Variants in NXPE2 observed in about 807,000 individuals in gnomAD.
The protein encoded by NXPE2 is NXPE family member 2.
Under a neutral mutation model 34.4 loss-of-function variants are expected in NXPE2, and 34 were observed. The observed-to-expected ratio is 0.99, with a 90% CI of 0.75 to 1.31. The LOEUF (loss-of-function observed/expected upper bound fraction) is 1.31, where lower values mean the gene tolerates loss of function less well. Ranked by LOEUF, NXPE2 falls within the 40% of genes most tolerant of loss-of-function variation. NXPE2 has a pLI of 0.00. For synonymous variants in NXPE2, 235 were observed against 231.3 expected, an observed-to-expected ratio of 1.02 and a Z score of -0.15; for missense variants, 649 against 672.5, an observed-to-expected ratio of 0.97 and a Z score of 0.39.
the NXPE2 span, among the ~76,000 whole-genome samples, chr11:114,591,299 A>G: frequency 3.9e-5 from 6 of 152,194 alleles, no homozygotes; most frequent in African/African-American, 7.2e-5. Context: ...TTAATTCTCC[A>G]TGCTCATGCT....
At chr11:114,592,024 C>A in the NXPE2 span, among the ~76,000 whole-genome samples, 1 of 152,018 alleles carries the variant, frequency 6.6e-6, no homozygotes, top group Non-Finnish European at 1.5e-5. Context: ...AAGAAATGTA[C>A]CTCAAAACAA....
the NXPE2 span, among the ~76,000 whole-genome samples, chr11:114,713,863 G>C: frequency 6.6e-6 from 1 of 152,148 alleles, no homozygotes; most frequent in African/African-American, 2.4e-5. Context: ...ACCATGGATC[G>C]CAAAATAATT....
At chr11:114,800,834 A>C in the NXPE2 span, among the ~76,000 whole-genome samples, 2 of 130,992 alleles carry the variant, frequency 1.5e-5, no homozygotes, top group Non-Finnish European at 3.4e-5. Flanking sequence ...TGACTAATGC[A>C]AAAATCTTGT....
At chr11:114,684,262 C>A (rs1565381287) in intron 2 of NXPE2, among the ~76,000 whole-genome samples, 2 of 151,882 alleles carry the variant, frequency 1.3e-5, no homozygotes, top group African/African-American at 2.4e-5. Context: ...CCCATCACTA[C>A]TAAAAATACA....
At chr11:114,809,859 C>T in the NXPE2 span, among the ~76,000 whole-genome samples, 2 of 121,080 alleles carry the variant, frequency 1.7e-5, no homozygotes, top group South Asian at 6.8e-4. Context: ...TCATATGGAA[C>T]CAAAAAAGAG....
At chr11:114,583,118 C>G in the NXPE2 span, 2 of 1,296,446 alleles carry the variant, frequency 1.5e-6, no homozygotes, top group South Asian at 1.5e-5. Context: ...TTAACATGTT[C>G]CTAGTCATTT....
chr11:114,715,552 G>A, the NXPE2 span, among the ~76,000 whole-genome samples: 3 of 152,216 alleles, frequency 2.0e-5, no homozygotes, highest in East Asian at 3.9e-4. Context: ...AAAACCCATA[G>A]TAATGTAAAA....
the NXPE2 span, chr11:114,583,213 TTGAC>T: frequency 9.6e-6 from 7 of 730,584 alleles, no homozygotes; most frequent in Admixed American, 2.8e-5. Context: ...AGAATGGAGA[TTGAC>T]TGACAGGAGA....
chr11:114,582,813 G>GC, the NXPE2 span: 1 of 1,614,166 alleles, frequency 6.2e-7, no homozygotes, highest in Admixed American at 1.7e-5. Flanking sequence ...GAGGATGGTG[G>GC]CTGTGCTATG....
chr11:114,699,759 C>T (rs1316241789), intron 3 of NXPE2, among the ~76,000 whole-genome samples: 2 of 151,666 alleles, frequency 1.3e-5, no homozygotes, highest in Non-Finnish European at 2.9e-5. Context: ...GTAAGCTCTG[C>T]GAGCATTAAG....
chr11:114,564,591 CAG>C, the NXPE2 span, among the ~76,000 whole-genome samples: 4 of 152,000 alleles, frequency 2.6e-5, no homozygotes, highest in South Asian at 8.3e-4. Flanking sequence ...CAGGAGTGCA[CAG>C]AGAGGGGGTG....
the NXPE2 span, among the ~76,000 whole-genome samples, chr11:114,798,477 G>T: frequency 6.6e-6 from 1 of 152,044 alleles, no homozygotes; most frequent in African/African-American, 2.4e-5. Context: ...TCTGCCTCTA[G>T]GGTTCAAGTG....
At chr11:114,672,966 A>G in the NXPE2 span, among the ~76,000 whole-genome samples, 1 of 151,210 alleles carries the variant, frequency 6.6e-6, no homozygotes, top group East Asian at 1.9e-4. Context: ...ACAGATGTCT[A>G]TAGAACATTC....
At chr11:114,602,106 A>G in the NXPE2 span, among the ~76,000 whole-genome samples, 144 of 97,296 alleles carry the variant, frequency 1.5e-3, no homozygotes, top group South Asian at 2.2e-3. Flanking sequence ...ATATATTATA[A>G]TATATATAAT....
At chr11:114,610,539 A>G in the NXPE2 span, among the ~76,000 whole-genome samples, 1 of 151,900 alleles carries the variant, frequency 6.6e-6, no homozygotes, top group Non-Finnish European at 1.5e-5. Flanking sequence ...CCGGTGGATA[A>G]TAAGTGTTGC....
chr11:114,465,106 G>A, the NXPE2 span, among the ~76,000 whole-genome samples: 1 of 152,018 alleles, frequency 6.6e-6, no homozygotes, highest in Admixed American at 6.6e-5. Flanking sequence ...CAACTACTTC[G>A]GAGACTCACG....
chr11:114,812,276 T>C, the NXPE2 span, among the ~76,000 whole-genome samples: 1 of 152,172 alleles, frequency 6.6e-6, no homozygotes, highest in African/African-American at 2.4e-5. Context: ...AGCTTAGCCA[T>C]CTTTGGGTAG....
At chr11:114,648,662 G>A in the NXPE2 span, among the ~76,000 whole-genome samples, 1 of 152,112 alleles carries the variant, frequency 6.6e-6, no homozygotes, top group Non-Finnish European at 1.5e-5. Flanking sequence ...ATCTCCTTAA[G>A]TCATACTTAA....
At chr11:114,760,392 T>C in the NXPE2 span, among the ~76,000 whole-genome samples, 2 of 152,202 alleles carry the variant, frequency 1.3e-5, no homozygotes, top group Non-Finnish European at 1.5e-5. Flanking sequence ...TTTCTGTTGT[T>C]TGTAAGCCAT....
Sources: allele counts gnomAD v4.1 joint callset (sites outside exome capture counted in the v4.1 genomes callset), GRCh38; gene constraint gnomAD v4.1.1; transcripts MANE v1.5; gene names NCBI Gene and HGNC (gene_info 2026-07-23, HGNC 2026-07-21).